Variants in ADGRB3 observed in about 807,000 individuals in gnomAD.
ADGRB3 encodes brain-specific angiogenesis inhibitor 3.
In ADGRB3, 37 loss-of-function variants were observed where a neutral mutation model predicts 193.4. That is an observed-to-expected ratio of 0.19 (90% CI 0.15 to 0.25). ADGRB3 has a LOEUF of 0.25. ADGRB3 is among the 10% of genes least tolerant of loss of function. ADGRB3 has a pLI of 1.00. For synonymous variants in ADGRB3, 690 were observed against 644.2 expected (o/e 1.07, Z -1.08); for missense variants, 1,637 against 1,852.9 (o/e 0.88, Z 2.14).
chr6:68,915,245 C>T (rs766722985), intron 3 of ADGRB3, among the ~76,000 whole-genome samples: 1 of 152,056 alleles, frequency 6.6e-6, no homozygotes, highest in East Asian at 1.9e-4. Flanking sequence ...CTCTTGAAAC[C>T]TCATCAGCTT....
At chr6:68,775,318 C>G (rs1202011475) in intron 3 of ADGRB3, among the ~76,000 whole-genome samples, 1 of 152,000 alleles carries the variant, frequency 6.6e-6, no homozygotes, top group African/African-American at 2.4e-5. Flanking sequence ...AGCTAAGGAA[C>G]AGCAAATGTG....
At chr6:68,916,174 TA>T (rs1234944215) in intron 3 of ADGRB3, among the ~76,000 whole-genome samples, 1 of 151,852 alleles carries the variant, frequency 6.6e-6, no homozygotes, top group African/African-American at 2.4e-5. Context: ...AATGAATAAG[TA>T]AAAATAGAAT....
chr6:68,935,296 T>C (rs1767457191), intron 4 of ADGRB3, among the ~76,000 whole-genome samples: 1 of 152,226 alleles, frequency 6.6e-6, no homozygotes, highest in Non-Finnish European at 1.5e-5. Flanking sequence ...AATTACATTC[T>C]GGCCCAAACT....
chr6:69,198,073 G>C (rs1295820320), intron 17 of ADGRB3, among the ~76,000 whole-genome samples: 1 of 151,966 alleles, frequency 6.6e-6, no homozygotes, highest in Admixed American at 6.6e-5. Flanking sequence ...CACTTCTTGT[G>C]TTTTGAACCT....
At chr6:69,364,214 G>T (rs1456442528) in intron 29 of ADGRB3, among the ~76,000 whole-genome samples, 1 of 151,988 alleles carries the variant, frequency 6.6e-6, no homozygotes, top group African/African-American at 2.4e-5. Context: ...TGCCAGCATG[G>T]AAAGTGCTGA....
chr6:69,353,115 G>A (rs899335408), intron 26 of ADGRB3, among the ~76,000 whole-genome samples: 1 of 152,158 alleles, frequency 6.6e-6, no homozygotes, highest in Non-Finnish European at 1.5e-5. Context: ...CTCTGGAAGT[G>A]GAAAGAACAG....
chr6:68,860,015 T>C (rs940129633), intron 3 of ADGRB3, among the ~76,000 whole-genome samples: 1 of 152,208 alleles, frequency 6.6e-6, no homozygotes, highest in Non-Finnish European at 1.5e-5. Context: ...GAAAAATAAC[T>C]ATGTATATTT....
At chr6:68,639,577 G>T in intron 3 of ADGRB3, 145 bp downstream of exon 3, 1 of 1,191,202 alleles carries the variant, frequency 8.4e-7, no homozygotes, top group Non-Finnish European at 1.1e-6. Flanking sequence ...CACTGATAAA[G>T]GTCTCTTGAG....
chr6:69,187,141 TG>T (rs1765088240), intron 17 of ADGRB3, among the ~76,000 whole-genome samples: 1 of 152,144 alleles, frequency 6.6e-6, no homozygotes. Context: ...TATTGCTTCA[TG>T]TTTACAATAT....
intron 20 of ADGRB3, among the ~76,000 whole-genome samples, chr6:69,252,034 A>G (rs1365244506): frequency 6.6e-6 from 1 of 152,142 alleles, no homozygotes; most frequent in East Asian, 1.9e-4. Context: ...ATCACCCTAG[A>G]AAGTTCTCTC....
intron 3 of ADGRB3, among the ~76,000 whole-genome samples, chr6:68,879,157 C>T (rs950545387): frequency 6.6e-6 from 1 of 151,350 alleles, no homozygotes; most frequent in Non-Finnish European, 1.5e-5. Flanking sequence ...AATAGGTGCT[C>T]CAATAATGTC....
At chr6:69,350,462 T>A (rs897325419) in intron 26 of ADGRB3, among the ~76,000 whole-genome samples, 16 of 152,226 alleles carry the variant, frequency 1.1e-4, no homozygotes, top group African/African-American at 3.6e-4. Context: ...AAAGAAAAAA[T>A]TTGAAGTCTA....
intron 3 of ADGRB3, among the ~76,000 whole-genome samples, chr6:68,774,540 A>G (rs1159517336): frequency 6.6e-6 from 1 of 151,860 alleles, no homozygotes; most frequent in Non-Finnish European, 1.5e-5. Context: ...AATTACACAT[A>G]TTTTCAGGTA....
intron 3 of ADGRB3, among the ~76,000 whole-genome samples, chr6:68,736,264 C>T (rs1302026956): frequency 6.6e-6 from 1 of 152,106 alleles, no homozygotes; most frequent in Non-Finnish European, 1.5e-5. Context: ...AGCTATCCAC[C>T]CGGCTCAGCC....
chr6:68,930,459 A>G (rs1164438971), intron 3 of ADGRB3, 100 bp from the exon 4 acceptor site: 1 of 632,130 alleles, frequency 1.6e-6, no homozygotes, highest in Non-Finnish European at 2.5e-6. Context: ...TTTAATAATT[A>G]TCTTCTAGGT....
rs189480088 is a variant in ADGRB3 at position 68,864,197 on chromosome 6, G to A, written c.758-66362G>A. Reference sequence around the variant, plus strand: ...GTGCATGGATTTGTAATACTTATTGGACTGCCCAGAATATATTTTACTTAA... The same window carrying A: ...GTGCATGGATTTGTAATACTTATTGAACTGCCCAGAATATATTTTACTTAA... On this transcript the variant is annotated intron_variant, in intron 3 of 31. Transcript: ENST00000370598. Among the ~76,000 whole-genome samples the A allele has an allele frequency of 2.2e-3, 342 of 152,254 alleles. 1 individual carries two copies. Among genetic ancestry groups the A allele is most frequent in the African/African-American group, 7.9e-3 (328 of 41,534 alleles).
intron 10 of ADGRB3, among the ~76,000 whole-genome samples, chr6:68,991,679 G>A (rs1349406467): frequency 2.6e-5 from 4 of 152,106 alleles, no homozygotes; most frequent in Non-Finnish European, 1.5e-5. Flanking sequence ...GCGGGGAACG[G>A]GGAAGAACTC....
chr6:68,956,175 C>A lies in ADGRB3; in HGVS notation c.1347C>A (p.Asn449Lys). ...GGGCAGAAAGCAGAGAGTGCTATAA[C>A]CCTGAATGTACAGGTAGGGCTTGAT... is the stretch of plus-strand genomic sequence containing the variant. ...GPWAESRECYNPECTANGQWN... is the reference protein window; with the variant it reads ...GPWAESRECYKPECTANGQWN... The change falls in exon 7 of 32, where the codon AAC becomes AAA. Residue 449 changes from asparagine (N) to lysine (K), a missense_variant. Around this residue, in one of 7 missense-constraint regions of ADGRB3, gnomAD observed 641 missense variants for 673.9 expected, o/e 0.95. Transcript: ENST00000370598. 6.2e-7 allele frequency: 1 copy of A among 1,611,664 alleles called. No homozygotes were observed. Among genetic ancestry groups the A allele is most frequent in the Non-Finnish European group, 8.5e-7 (1 of 1,178,660 alleles).
rs538074669 is a variant in ADGRB3, at chr6:68,643,881, G to A, written c.757+4449G>A. ...CTGGAGGCAGAGGTTACAGTGAGCC[G>A]AGATCGCACCACTGCACTCCAGCCT... On this transcript the variant is annotated intron_variant, in intron 3 of 31. Coordinates refer to ENST00000370598, the MANE Select transcript of ADGRB3 (RefSeq NM_001704.3). 6.1e-4 allele frequency among the ~76,000 whole-genome samples: 90 copies of A among 148,446 alleles called. 3 individuals are homozygous for A. In the South Asian group the frequency reaches 0.018, roughly 29 times the overall value.
Sources: allele counts gnomAD v4.1 joint callset (sites outside exome capture counted in the v4.1 genomes callset), GRCh38; gene constraint gnomAD v4.1.1; regional missense constraint gnomAD v4.1.1; transcripts MANE v1.5; gene names NCBI Gene and HGNC (gene_info 2026-07-23, HGNC 2026-07-21).